The following TSPAN32 variants were observed in gnomAD, a reference collection of about 807,000 sequenced individuals.
TSPAN32 encodes the protein tetraspanin 32.
TSPAN32 carries 47 observed loss-of-function variants against 42.7 expected under a neutral mutation model. The observed-to-expected ratio is 1.10, with a 90% confidence interval of 0.87 to 1.40. The LOEUF is 1.40. Ranked by LOEUF, TSPAN32 falls within the 40% of genes most tolerant of loss-of-function variation. TSPAN32 has a pLI of 0.00. For missense variants in TSPAN32, 469 were observed against 424.1 expected (o/e 1.11, Z -0.93); for synonymous variants, 175 against 175.9 (o/e 0.99, Z 0.04).
Position 2,304,333 on chromosome 11 carries a change from G to T in TSPAN32, c.279+129G>T. On this transcript the variant is annotated intron_variant, in intron 3 of 9. Transcript: ENST00000182290. The surrounding 1 kb of genome is among the most constrained non-coding windows in gnomAD (Gnocchi z 4.8). ...CAGAACCAGAGGCCCCAGGGATGCT[G>T]GCCAGCCGAGACCCCCACGTCAACC... The T allele has an allele frequency of 1.5e-6, 1 of 655,584 alleles. No homozygotes were observed. The highest frequency in any genetic ancestry group is 2.0e-5 in the South Asian group (1 of 50,760). 40.6% of individuals were successfully genotyped at this position (655,584 alleles called of 1,614,324 possible). A position where few individuals can be genotyped will look rare whatever the true frequency, so the allele number is the denominator to read the frequency against.
At chr11:2,306,555 AAGAG>A (rs1431565235) in intron 3 of TSPAN32, among the ~76,000 whole-genome samples, 1 of 139,026 alleles carries the variant, frequency 7.2e-6, no homozygotes, top group South Asian at 2.3e-4. Flanking sequence ...GAGAGAGAGA[AAGAG>A]AGAAAGAGAG....
rs1589816331 is a variant in TSPAN32, at chr11:2,314,583, A to G, written c.543+12A>G. On this transcript the variant is annotated intron_variant, in intron 6 of 9. Coordinates refer to ENST00000182290, the MANE Select transcript of TSPAN32 (RefSeq NM_139022.3). ...AGGCGGCGAGAGAGGTGAGGGGGGG[A>G]CCTGGATGCTGGCCAGGCAAGACCC... is the stretch of plus-strand genomic sequence containing the variant. 1.9e-6 allele frequency: 3 copies of G among 1,597,762 alleles called. No individual in the cohort carries two copies. Among genetic ancestry groups the G allele is most frequent in the Non-Finnish European group, 1.7e-6 (2 of 1,171,992 alleles).
At position 2,308,621 on chromosome 11, in the gene TSPAN32, A is replaced by G. The variant is rs1442806480; in HGVS notation, c.280-115A>G. ...CCCCCAACAGTGACCAGCCCCCCAT[A>G]GTGACCGGCCCCCCACAGTGACTGG... is the stretch of plus-strand genomic sequence containing the variant. On this transcript the variant is annotated intron_variant, in intron 3 of 9. Coordinates refer to ENST00000182290, the MANE Select transcript of TSPAN32 (RefSeq NM_139022.3). 2.9e-4 allele frequency: 8 copies of G among 27,860 alleles called. 1 individual carries two copies. The Admixed American group carries it at 4.8e-3, about 17-fold the overall frequency. The allele number at this position is 27,860 out of a possible 1,614,324, so 1.7% of individuals were successfully genotyped here.
In TSPAN32 at chr11:2,313,576, T is replaced by G; in HGVS notation, c.355-78T>G. The G allele has an allele frequency of 7.7e-6, 9 of 1,168,646 alleles. No homozygotes were observed. 72.4% of individuals were successfully genotyped at this position (1,168,646 alleles called of 1,614,324 possible). On this transcript the variant is annotated intron_variant, in intron 4 of 9. Transcript: ENST00000182290. This position sits in a 1 kb window ranked among gnomAD's most constrained non-coding sequence, Gnocchi z 9.1. ...CTCAGCACTAAGGGCCCACTAGCGT[T>G]TGGGATGTCGTGGGGAGGGGGCTGT...
chr11:2,315,900 G>T, intron 6 of TSPAN32: 1 of 1,463,758 alleles, frequency 6.8e-7, no homozygotes, highest in Non-Finnish European at 9.2e-7. Context: ...TGGATGCTGG[G>T]AACCCAGAGT....
intron 7 of TSPAN32, 108 bp downstream of exon 7, chr11:2,316,420 C>T (rs2234307): frequency 0.021 from 33,094 of 1,544,628 alleles, 421 homozygotes; most frequent in Non-Finnish European, 0.026. Context: ...TGGTCTTGAG[C>T]CTCACTGGCT....
rs773635676 is a variant in TSPAN32 at position 2,317,398 on chromosome 11, AC to A, written c.777del (p.Thr260HisfsTer?). The A allele has an allele frequency of 6.2e-7, 1 of 1,600,282 alleles. No individual in the cohort carries two copies. Among genetic ancestry groups the A allele is most frequent in the Non-Finnish European group, 8.5e-7 (1 of 1,173,510 alleles). Reference protein sequence around the residue: ...PSLLRCSQGGPTHCLHSEAVA... With the variant: ...PSLLRCSQGGXTHCLHSEAVA... ...GCCTCTTGAGATGCTCCCAGGGTGG[AC>A]CCACACATTGTCTCCACTCCGAAGC... is the stretch of plus-strand genomic sequence containing the variant. On this transcript the variant is annotated frameshift_variant, in exon 9 of 10. Coordinates refer to ENST00000182290, the MANE Select transcript of TSPAN32 (RefSeq NM_139022.3). LOFTEE classifies it high-confidence loss of function. This position sits in a 1 kb window ranked among gnomAD's most constrained non-coding sequence, Gnocchi z 6.2.
At position 2,304,179 on chromosome 11, in the gene TSPAN32, G is replaced by A; in HGVS notation, c.254G>A (p.Arg85Lys). 6.3e-7 allele frequency: 1 copy of A among 1,583,298 alleles called. No homozygotes were observed. Reference protein sequence around the residue: ...GAVLSAAATVREAQGLMAGGF... With the variant: ...GAVLSAAATVKEAQGLMAGGF... ...GTGCTGAGCGCTGCAGCCACCGTGA[G>A]GGAGGCCCAGGGCCTCATGGCAGGG... The change falls in exon 3 of 10, where the codon AGG (arginine) becomes AAG (lysine). Residue 85 changes from arginine to lysine, a missense_variant. Transcript: ENST00000182290. This position sits in a 1 kb window ranked among gnomAD's most constrained non-coding sequence, Gnocchi z 4.8.
intron 4 of TSPAN32, 143 bp downstream of exon 4, chr11:2,308,953 T>G: frequency 1.6e-6 from 1 of 637,554 alleles, no homozygotes; most frequent in Non-Finnish European, 2.8e-6. Context: ...GACCGCAGCC[T>G]GGGTTCCCTC....
At chr11:2,303,962 G>C in intron 2 of TSPAN32, 145 bp from the exon 3 acceptor site, 1 of 613,820 alleles carries the variant, frequency 1.6e-6, no homozygotes, top group Non-Finnish European at 2.9e-6. Context: ...CCTCAGGGCC[G>C]TCTGATGGAG....
intron 5 of TSPAN32, among the ~76,000 whole-genome samples, 173 bp from the exon 6 acceptor site, chr11:2,314,312 G>A (rs924413468): frequency 5.3e-5 from 8 of 152,202 alleles, no homozygotes; most frequent in Admixed American, 1.3e-4. Context: ...ACCAGGGCCC[G>A]GCTGTGCAAT....
At chr11:2,314,595 G>T (rs1164411254) in intron 6 of TSPAN32, 24 bp downstream of exon 6, 1 of 1,581,390 alleles carries the variant, frequency 6.3e-7, no homozygotes, top group South Asian at 1.1e-5. Context: ...CTGGATGCTG[G>T]CCAGGCAAGA....
At chr11:2,302,266 T>C in intron 1 of TSPAN32, 51 bp downstream of exon 1, 1 of 1,334,564 alleles carries the variant, frequency 7.5e-7, no homozygotes, top group Non-Finnish European at 9.7e-7. Context: ...TGAGCAGGGG[T>C]GAGGGGTGGC....
rs377230899 is a variant in TSPAN32 at position 2,314,475 on chromosome 11, G to T, written c.457-10G>T. The T allele has an allele frequency of 1.2e-6, 2 of 1,608,044 alleles. No homozygotes were observed. The highest frequency in any genetic ancestry group is 1.7e-6 in the Non-Finnish European group (2 of 1,177,182). Reference sequence around the variant, plus strand: ...AGCACATCACCACTCCCTCCCTTCTGTTCCTGTAGTTTCTGTGCTGTGGGA... The same window carrying T: ...AGCACATCACCACTCCCTCCCTTCTTTTCCTGTAGTTTCTGTGCTGTGGGA... On this transcript the variant is annotated splice_polypyrimidine_tract_variant and intron_variant, in intron 5 of 9. Transcript: ENST00000182290.
In TSPAN32 at chr11:2,313,776, G is replaced by A. The variant is rs1222952169; in HGVS notation, c.456+21G>A. On this transcript the variant is annotated intron_variant, in intron 5 of 9. Transcript: ENST00000182290. This position sits in a 1 kb window ranked among gnomAD's most constrained non-coding sequence, Gnocchi z 9.1. ...ACGTGGTGAGCGTGGGGACGGCTGGGTGGCAGGGCGGTCAGCTTCTGCTTG... is the reference window on the plus strand; with the variant it reads ...ACGTGGTGAGCGTGGGGACGGCTGGATGGCAGGGCGGTCAGCTTCTGCTTG... 2 of 1,559,822 alleles carry A rather than the reference G, an allele frequency of 1.3e-6. No individual in the cohort carries two copies. The highest frequency in any genetic ancestry group is 3.7e-5 in the Admixed American group (2 of 54,000).
chr11:2,305,683 C>G (rs1288827615), intron 3 of TSPAN32, among the ~76,000 whole-genome samples: 2 of 152,242 alleles, frequency 1.3e-5, no homozygotes, highest in Non-Finnish European at 2.9e-5. Context: ...GGCTCAGGTT[C>G]TGTGTCCCCA....
At chr11:2,315,944 G>A (rs571053970) in intron 6 of TSPAN32, 8 of 1,523,696 alleles carry the variant, frequency 5.3e-6, no homozygotes, top group South Asian at 3.6e-5. Context: ...GGGAGCCAAC[G>A]TGTGGCCCAA....
chr11:2,306,046 C>CTGTGTGTGTGTGTG (rs56961357), intron 3 of TSPAN32, among the ~76,000 whole-genome samples: 7,510 of 147,130 alleles, frequency 0.051, 255 homozygotes, highest in African/African-American at 0.093. Context: ...GCAGGTGCCT[C>CTGTGTGTGTGTGTG]TGTGTGTGTG....
chr11:2,302,707 C>G, intron 1 of TSPAN32, 137 bp from the exon 2 acceptor site: 1 of 704,574 alleles, frequency 1.4e-6, no homozygotes, highest in Non-Finnish European at 2.4e-6. Flanking sequence ...CACGGAAACA[C>G]CGGGAATCCC....
Sources: allele counts gnomAD v4.1 joint callset (sites outside exome capture counted in the v4.1 genomes callset), GRCh38; gene constraint gnomAD v4.1.1; non-coding constraint Gnocchi (gnomAD v3.1); transcripts MANE v1.5; gene names NCBI Gene and HGNC (gene_info 2026-07-23, HGNC 2026-07-21).